The following PATJ variants were observed in gnomAD, a reference collection of about 807,000 sequenced individuals.
The protein encoded by PATJ is PATJ crumbs cell polarity complex component, also known as inaD-like protein.
A neutral mutation model predicts 224.9 loss-of-function variants in PATJ; 190 were observed. The ratio of observed to expected loss-of-function variants is 0.84; its 90% confidence interval spans 0.75 to 0.95. PATJ has a LOEUF of 0.95. Among genes scored for constraint, PATJ ranks in the 40% least tolerant of loss-of-function variants. The pLI is 0.00. For missense variants in PATJ, 2,121 were observed against 2,270.3 expected (o/e 0.93, Z 1.34); for synonymous variants, 769 against 820.3 (o/e 0.94, Z 1.07).
chr1:62,094,594 CACACACACACACACAG>C (rs1288782871), intron 33 of PATJ, among the ~76,000 whole-genome samples: 2 of 124,518 alleles, frequency 1.6e-5, no homozygotes, highest in African/African-American at 6.1e-5. Context: ...CACACACACA[CACACACACACACACAG>C]AGATGTTAGT....
At chr1:62,104,861 G>A (rs921756952) in intron 33 of PATJ, among the ~76,000 whole-genome samples, 38 of 151,884 alleles carry the variant, frequency 2.5e-4, no homozygotes, top group Non-Finnish European at 4.6e-4. Flanking sequence ...TAGTAGAGAC[G>A]GGGTTTCACC....
intron 41 of PATJ, among the ~76,000 whole-genome samples, chr1:62,144,796 A>ATATATATAT (rs1204098847): frequency 2.8e-5 from 4 of 145,118 alleles, no homozygotes; most frequent in East Asian, 2.2e-4. Flanking sequence ...ATATATATAT[A>ATATATATAT]ATTAGCAGAA....
chr1:61,916,299 C>T (rs1026914587), intron 26 of PATJ, among the ~76,000 whole-genome samples: 2 of 151,752 alleles, frequency 1.3e-5, no homozygotes, highest in African/African-American at 4.8e-5. Flanking sequence ...GTGTCTGCTC[C>T]ATATATATAT....
At chr1:62,024,460 A>G (rs1046664858) in intron 29 of PATJ, among the ~76,000 whole-genome samples, 1 of 152,138 alleles carries the variant, frequency 6.6e-6, no homozygotes, top group African/African-American at 2.4e-5. Flanking sequence ...ATTCCTTAAT[A>G]TAATACCTGC....
intron 9 of PATJ, among the ~76,000 whole-genome samples, chr1:61,791,781 T>C (rs756136915): frequency 6.6e-6 from 1 of 152,194 alleles, no homozygotes; most frequent in Non-Finnish European, 1.5e-5. Flanking sequence ...AATTGATTTC[T>C]GTATATGTTT....
intron 27 of PATJ, among the ~76,000 whole-genome samples, chr1:61,955,369 A>G (rs1462818518): frequency 6.6e-6 from 1 of 152,146 alleles, no homozygotes; most frequent in East Asian, 1.9e-4. Flanking sequence ...AGGTGCAGAG[A>G]CACATGCACT....
In PATJ at chr1:61,747,802, G is replaced by A. The variant is rs147942019; in HGVS notation, c.-36+5247G>A. 1.2e-4 allele frequency among the ~76,000 whole-genome samples: 18 copies of A among 152,328 alleles called. No homozygotes were observed. In the East Asian group the frequency reaches 2.3e-3, roughly 20 times the overall value. ...TTACTACAGTAAGCCACTCTCACAC[G>A]TGGGCATGGGCCACTTTATATTGGG... On this transcript the variant is annotated intron_variant, in intron 1 of 43. Coordinates refer to ENST00000642238, the MANE Select transcript of PATJ (RefSeq NM_001350145.3).
intron 41 of PATJ, among the ~76,000 whole-genome samples, chr1:62,141,565 C>T (rs887795517): frequency 2.0e-5 from 3 of 151,958 alleles, no homozygotes; most frequent in Non-Finnish European, 4.4e-5. Flanking sequence ...ATCCCAGCTA[C>T]TCGGGAGGCT....
intron 42 of PATJ, among the ~76,000 whole-genome samples, chr1:62,152,255 C>T (rs2481675): frequency 0.7 from 106,205 of 152,030 alleles, 37,463 homozygotes; most frequent in East Asian, 0.82. Flanking sequence ...ACAGAAAAGG[C>T]TGTGGGACCC....
chr1:62,095,648 G>A (rs1471392666), intron 33 of PATJ, among the ~76,000 whole-genome samples: 1 of 152,166 alleles, frequency 6.6e-6, no homozygotes, highest in African/African-American at 2.4e-5. Context: ...GCATTTGTCT[G>A]CATTTCTGCC....
At chr1:61,952,280 A>AGAGAGAGAG (rs34366135) in intron 27 of PATJ, 90,697 of 453,410 alleles carry the variant, frequency 0.2, 4,799 homozygotes, top group East Asian at 0.27. Flanking sequence ...GAGAGAGAGA[A>AGAGAGAGAG]AAATAGGCCC....
At chr1:61,782,908 G>C (rs920111351) in intron 7 of PATJ, among the ~76,000 whole-genome samples, 1 of 152,176 alleles carries the variant, frequency 6.6e-6, no homozygotes, top group African/African-American at 2.4e-5. Flanking sequence ...AGGGCGGTCA[G>C]GTATACCGGA....
intron 28 of PATJ, among the ~76,000 whole-genome samples, chr1:61,992,824 G>A (rs763127782): frequency 1.9e-4 from 29 of 152,248 alleles, no homozygotes; most frequent in Admixed American, 5.9e-4. Flanking sequence ...AAGACCTACC[G>A]TAACTTGTCT....
chr1:61,790,900 G>A (rs141252118), intron 8 of PATJ, among the ~76,000 whole-genome samples: 1 of 152,156 alleles, frequency 6.6e-6, no homozygotes, highest in South Asian at 2.1e-4. Flanking sequence ...CCCATACCCA[G>A]TCTCATTCAG....
At chr1:61,750,205 G>A (rs1345786721) in intron 1 of PATJ, among the ~76,000 whole-genome samples, 2 of 152,158 alleles carry the variant, frequency 1.3e-5, no homozygotes, top group Non-Finnish European at 2.9e-5. Flanking sequence ...TCTAATGTAG[G>A]TTGTACTCTT....
At chr1:61,941,606 A>G (rs1055936277) in intron 27 of PATJ, among the ~76,000 whole-genome samples, 2 of 152,188 alleles carry the variant, frequency 1.3e-5, no homozygotes, top group African/African-American at 4.8e-5. Flanking sequence ...AGCACAGATC[A>G]TGCCACTGCA....
At chr1:62,149,096 C>T (rs1260772951) in intron 42 of PATJ, among the ~76,000 whole-genome samples, 1 of 149,788 alleles carries the variant, frequency 6.7e-6, no homozygotes, top group Non-Finnish European at 1.5e-5. Context: ...CTACTGCACT[C>T]CAGCCTGGGC....
In PATJ at chr1:61,801,621, A is replaced by T. The variant is rs777038682; in HGVS notation, c.1403-2A>T. ...TTAAAAAATTATTTTTTTTTGTTTT[A>T]GGAACTGTTGTAGAACCACTGAAAC... On this transcript the variant is annotated splice_acceptor_variant, in intron 11 of 43. Transcript: ENST00000642238. LOFTEE classifies it high-confidence loss of function. 6.6e-7 allele frequency: 1 copy of T among 1,504,358 alleles called. No homozygotes were observed. The highest frequency in any genetic ancestry group is 8.9e-7 in the Non-Finnish European group (1 of 1,124,546). 93.2% of individuals were successfully genotyped at this position (1,504,358 alleles called of 1,614,324 possible).
At chr1:62,135,683 CTAAAG>C (rs1256865183) in intron 41 of PATJ, among the ~76,000 whole-genome samples, 1 of 152,204 alleles carries the variant, frequency 6.6e-6, no homozygotes, top group East Asian at 1.9e-4. Flanking sequence ...AATCCTTTTA[CTAAAG>C]TCTCACCTTC....
Sources: allele counts gnomAD v4.1 joint callset (sites outside exome capture counted in the v4.1 genomes callset), GRCh38; gene constraint gnomAD v4.1.1; transcripts MANE v1.5; gene names NCBI Gene and HGNC (gene_info 2026-07-23, HGNC 2026-07-21).